DGKH: variants seen among roughly 807,000 people sequenced by gnomAD.
The protein encoded by DGKH is diacylglycerol kinase eta, also known as DAG kinase eta.
In DGKH, 90 loss-of-function variants were observed where a neutral mutation model predicts 159.3. The observed-to-expected ratio is 0.57, with a 90% CI of 0.48 to 0.67. DGKH has a LOEUF of 0.67. Ranked by LOEUF, DGKH falls within the 30% of genes least tolerant of loss-of-function variation. The probability of loss-of-function intolerance (pLI) is 0.00; values close to 1 mark genes in which losing one functional copy is unlikely to be tolerated. For synonymous variants in DGKH, 536 were observed against 553.8 expected (o/e 0.97, Z 0.45); for missense variants, 1,181 against 1,506.1 (o/e 0.78, Z 3.57).
downstream of DGKH, among the ~76,000 whole-genome samples, chr13:42,247,304 C>G (rs193039370): frequency 1.3e-5 from 2 of 148,304 alleles, no homozygotes; most frequent in Non-Finnish European, 3.0e-5. Flanking sequence ...GATCTCGACT[C>G]ACGGCAACCT....
At chr13:42,161,783 A>G (rs1196982212) in intron 7 of DGKH, among the ~76,000 whole-genome samples, 1 of 148,144 alleles carries the variant, frequency 6.8e-6, no homozygotes, top group Non-Finnish European at 1.5e-5. Context: ...CTGCCTCTCA[A>G]AAAAAAAAAA....
At chr13:42,134,222 C>G (rs1955351721) in intron 3 of DGKH, among the ~76,000 whole-genome samples, 1 of 152,150 alleles carries the variant, frequency 6.6e-6, no homozygotes, top group Non-Finnish European at 1.5e-5. Flanking sequence ...GTGTCATTTC[C>G]ACGACATTCA....
chr13:42,107,903 G>T (rs933819424), intron 1 of DGKH, among the ~76,000 whole-genome samples: 2 of 152,136 alleles, frequency 1.3e-5, no homozygotes, highest in African/African-American at 4.8e-5. Context: ...GGGCTCAGAG[G>T]CATGGAGGAC....
At chr13:42,209,498 T>C in intron 23 of DGKH, 33 bp downstream of exon 23, 1 of 1,528,878 alleles carries the variant, frequency 6.5e-7, no homozygotes, top group Admixed American at 2.3e-5. Context: ...TAGAATATTG[T>C]CAGGTTTTTA....
At chr13:42,253,816 G>A (rs1052258301) in intron 30 of DGKH, among the ~76,000 whole-genome samples, 33 of 152,186 alleles carry the variant, frequency 2.2e-4, no homozygotes, top group African/African-American at 7.2e-4. Flanking sequence ...AATCTGCACC[G>A]TTCAATATGG....
At chr13:42,095,934 A>G (rs944077993) in intron 1 of DGKH, among the ~76,000 whole-genome samples, 8 of 152,162 alleles carry the variant, frequency 5.3e-5, no homozygotes, top group Non-Finnish European at 1.0e-4. Context: ...CTAATTGTTT[A>G]TTTTAAAGTT....
At chr13:42,207,691 G>A (rs371216553) in intron 21 of DGKH, among the ~76,000 whole-genome samples, 108 of 5,348 alleles carry the variant, frequency 0.02, no homozygotes, top group African/African-American at 0.028. Context: ...AATTATTAAA[G>A]TGTGTATATA....
At chr13:42,086,281 T>C (rs1276142829) in intron 1 of DGKH, among the ~76,000 whole-genome samples, 2 of 152,188 alleles carry the variant, frequency 1.3e-5, no homozygotes, top group Non-Finnish European at 2.9e-5. Context: ...GTGTCAACCT[T>C]GTTGCCTAAA....
At chr13:42,109,378 C>T (rs1466269077) in intron 1 of DGKH, among the ~76,000 whole-genome samples, 5 of 152,138 alleles carry the variant, frequency 3.3e-5, no homozygotes, top group African/African-American at 4.8e-5. Context: ...ACTAGTCAGC[C>T]GTGGAGCCAA....
Position 42,200,948 on chromosome 13 carries a change from T to C in DGKH, c.2493+1039T>C, listed in dbSNP as rs532568505. Among the ~76,000 whole-genome samples the C allele has an allele frequency of 5.9e-5, 9 of 152,234 alleles. No homozygotes were observed. The South Asian group carries it at 1.9e-3, about 32-fold the overall frequency. ...GCTCTCCTAATCATGTAATCATTCC[T>C]TTTTTTCTTCATGTACCCCGGTTGG... On this transcript the variant is annotated intron_variant, in intron 20 of 29. Coordinates refer to ENST00000337343, the MANE Select transcript of DGKH (RefSeq NM_178009.5).
chr13:42,052,109 G>A (rs1191063863), intron 1 of DGKH, among the ~76,000 whole-genome samples: 1 of 152,148 alleles, frequency 6.6e-6, no homozygotes, highest in Admixed American at 6.5e-5. Flanking sequence ...GTAAATATGG[G>A]TTGTTTTAGG....
intron 1 of DGKH, among the ~76,000 whole-genome samples, chr13:42,110,237 C>T (rs1954836937): frequency 6.6e-6 from 1 of 152,180 alleles, no homozygotes; most frequent in Non-Finnish European, 1.5e-5. Context: ...GCACTTCACC[C>T]TGTTTCCCAT....
chr13:42,199,815 G>A lies in DGKH; in HGVS notation c.2399G>A (p.Ser800Asn), dbSNP rs1413388383. Residue 800 changes from serine (S) to asparagine (N), a missense_variant and splice_region_variant, in exon 20 of 30, where the codon AGC (serine) becomes AAC (asparagine). By Grantham distance (46) the Ser-to-Asn change is conservative (BLOSUM62 1). Coordinates refer to ENST00000337343, the MANE Select transcript of DGKH (RefSeq NM_178009.5). The part of the protein sequence containing the change: ...KREEHPEKCR[S>N]RTKNLMWYGV... ...TGCCTGCCAATATTTATTTTCAGGA[G>A]CCGAACTAAAAACTTGATGTGGTAT... The A allele has an allele frequency of 6.3e-7, 1 of 1,598,870 alleles. No individual in the cohort carries two copies. Among genetic ancestry groups the A allele is most frequent in the Admixed American group, 1.8e-5 (1 of 56,068 alleles).
At chr13:42,218,430 GA>G (rs1299518999) in intron 26 of DGKH, among the ~76,000 whole-genome samples, 1 of 150,276 alleles carries the variant, frequency 6.7e-6, no homozygotes, top group Admixed American at 6.6e-5. Context: ...TTTTCAAGGA[GA>G]TTTTTCTGCA....
In DGKH at chr13:42,194,924, A is replaced by G; in HGVS notation, c.2075A>G (p.Tyr692Cys). Reference protein sequence around the residue: ...APRSPDARASYGHSQTDSVPG... With the variant: ...APRSPDARASCGHSQTDSVPG... ...CGGTCTCCAGATGCCCGGGCAAGTT[A>G]TGGCCATTCCCAAACTGATTCTGTC... Residue 692 changes from tyrosine to cysteine, a missense_variant, in exon 17 of 30, where the codon TAT (tyrosine) becomes TGT (cysteine). Tyr to Cys is a radical substitution (Grantham distance 194). This residue lies in a region of DGKH where 257 missense variants were observed against 281.5 expected (regional missense o/e 0.91). Transcript: ENST00000337343. 6.2e-7 allele frequency: 1 copy of G among 1,614,034 alleles called. No homozygotes were observed. Among genetic ancestry groups the G allele is most frequent in the South Asian group, 1.1e-5 (1 of 91,076 alleles).
intron 1 of DGKH, among the ~76,000 whole-genome samples, chr13:42,098,635 T>C (rs1954592984): frequency 6.6e-6 from 1 of 152,244 alleles, no homozygotes; most frequent in Non-Finnish European, 1.5e-5. Context: ...ATTTTCTTTA[T>C]GTTCTTAATG....
chr13:42,131,672 T>C (rs1170178), intron 3 of DGKH, among the ~76,000 whole-genome samples: 131,377 of 152,156 alleles, frequency 0.86, 57,097 homozygotes, highest in Middle Eastern at 0.9. Flanking sequence ...TTAGTAATGT[T>C]GTTACTCGCT....
chr13:42,067,850 T>A (rs1422584853), intron 1 of DGKH, among the ~76,000 whole-genome samples: 2 of 152,104 alleles, frequency 1.3e-5, no homozygotes, highest in African/African-American at 4.8e-5. Context: ...TAACCTAATT[T>A]TATTCATGCT....
At chr13:42,193,258 C>T (rs1003486351) in intron 16 of DGKH, among the ~76,000 whole-genome samples, 15 of 152,150 alleles carry the variant, frequency 9.9e-5, no homozygotes, top group African/African-American at 1.4e-4. Flanking sequence ...GTTTTCCAAC[C>T]GGCTATCATC....
Sources: allele counts gnomAD v4.1 joint callset (sites outside exome capture counted in the v4.1 genomes callset), GRCh38; gene constraint gnomAD v4.1.1; regional missense constraint gnomAD v4.1.1; transcripts MANE v1.5; gene names NCBI Gene and HGNC (gene_info 2026-07-23, HGNC 2026-07-21).